Variants in TRRAP observed in about 807,000 individuals in gnomAD.
The protein encoded by TRRAP is transformation/transcription domain-associated protein.
TRRAP carries 41 observed loss-of-function variants against 438.8 expected under a neutral mutation model. The observed-to-expected ratio is 0.09, with a 90% confidence interval of 0.07 to 0.12. The LOEUF (loss-of-function observed/expected upper bound fraction) is 0.12. TRRAP is among the 10% of genes least tolerant of loss of function. The pLI, the probability that TRRAP is intolerant of heterozygous loss-of-function variation, is 1.00. For missense variants in TRRAP, 3,122 were observed against 5,055.1 expected (o/e 0.62, Z 11.60); for synonymous variants, 1,994 against 1,962.9 (o/e 1.02, Z -0.42).
chr7:98,998,721 TC>T, intron 67 of TRRAP: 1 of 179,560 alleles, frequency 5.6e-6, no homozygotes. Context: ...CTATGTGAAT[TC>T]CACAGCATGG....
At chr7:98,961,661 T>C (rs974539290) in intron 46 of TRRAP, among the ~76,000 whole-genome samples, 187 bp downstream of exon 46, 7 of 152,264 alleles carry the variant, frequency 4.6e-5, no homozygotes, top group African/African-American at 1.4e-4. Context: ...GGCTCACGCC[T>C]GTAATCCCAG....
Position 98,964,792 on chromosome 7 carries a change from C to G in TRRAP, c.6976+17C>G. On this transcript the variant is annotated intron_variant, in intron 48 of 72. Transcript: ENST00000456197. ...CCACCTCAGGTGATGTGCTGGCCAC[C>G]GGGGGCCTTTCCTCAGACTCTGTTG... The G allele has an allele frequency of 6.2e-7, 1 of 1,606,128 alleles. No individual in the cohort carries two copies. Among genetic ancestry groups the G allele is most frequent in the Non-Finnish European group, 8.5e-7 (1 of 1,175,914 alleles).
In TRRAP at chr7:98,955,251, C is replaced by T. The variant is rs782694991; in HGVS notation, c.5884C>T (p.His1962Tyr). The T allele has an allele frequency of 6.2e-7, 1 of 1,614,146 alleles. No homozygotes were observed. Among genetic ancestry groups the T allele is most frequent in the Middle Eastern group, 1.7e-4 (1 of 6,060 alleles). Reference sequence around the variant, plus strand: ...CCGGAAGATCATTGTGGAGGAGGGGCACACCGTCCCGCAGCTGGTCCACAT... The same window carrying T: ...CCGGAAGATCATTGTGGAGGAGGGGTACACCGTCCCGCAGCTGGTCCACAT... ...WTRKIIVEEG[H>Y]TVPQLVHILH... Residue 1962 changes from histidine (H) to tyrosine (Y), a missense_variant, in exon 41 of 73, where the codon CAC becomes TAC. Physicochemically the swap from His to Tyr is moderately conservative, Grantham distance 83 (BLOSUM62 2). This residue lies in a region of TRRAP where 35 missense variants were observed against 104.9 expected (regional missense o/e 0.33). Transcript: ENST00000456197.
At chr7:98,945,631 A>T (rs1791017774) in intron 31 of TRRAP, 116 bp from the exon 32 acceptor site, 3 of 1,197,308 alleles carry the variant, frequency 2.5e-6, no homozygotes, top group African/African-American at 3.1e-5. Context: ...CTTTCTGATA[A>T]TTTGTGTCTT....
chr7:98,915,494 T>C (rs1789480898), intron 18 of TRRAP, among the ~76,000 whole-genome samples: 1 of 152,200 alleles, frequency 6.6e-6, no homozygotes. Flanking sequence ...GCCTGGCCCC[T>C]GTAGGTTATT....
chr7:99,009,951 G>T (rs1251839690), intron 70 of TRRAP, among the ~76,000 whole-genome samples: 1 of 141,908 alleles, frequency 7.0e-6, no homozygotes, highest in Admixed American at 7.3e-5. Flanking sequence ...GCAATGGCGC[G>T]ATCTCGGCTC....
chr7:98,945,856 C>T, intron 32 of TRRAP, 56 bp downstream of exon 32: 1 of 1,571,460 alleles, frequency 6.4e-7, no homozygotes, highest in Non-Finnish European at 8.5e-7. Flanking sequence ...GAAAAGTTTA[C>T]CTTTTCTTTT....
At chr7:98,895,977 G>T (rs1562929748) in intron 7 of TRRAP, among the ~76,000 whole-genome samples, 157 bp downstream of exon 7, 1 of 152,202 alleles carries the variant, frequency 6.6e-6, no homozygotes, top group Admixed American at 6.5e-5. Context: ...GGGTTGATAA[G>T]TCAGCCATTC....
chr7:98,881,343 C>G, intron 2 of TRRAP, 93 bp downstream of exon 2: 2 of 1,158,088 alleles, frequency 1.7e-6, no homozygotes, highest in Non-Finnish European at 2.4e-6. Context: ...GAGGCCGAGG[C>G]GGGTGGATCA....
At chr7:98,950,607 G>T (rs530827801) in intron 38 of TRRAP, among the ~76,000 whole-genome samples, 1 of 152,358 alleles carries the variant, frequency 6.6e-6, no homozygotes, top group East Asian at 1.9e-4. Flanking sequence ...GAGTGACCCA[G>T]TGTTGAAGGG....
Position 98,983,398 on chromosome 7 carries a change from C to T in TRRAP, c.8961C>T (p.Ile2987=), listed in dbSNP as rs144881292. 1,100 of 1,614,228 alleles carry T rather than the reference C, an allele frequency of 6.8e-4. No homozygotes were observed. The highest frequency in any genetic ancestry group is 8.5e-4 in the Non-Finnish European group (1,005 of 1,180,038). Residue 2987 remains isoleucine (I), a synonymous_variant, in exon 60 of 73, where the codon ATC becomes ATT. Transcript: ENST00000456197. ...VVKTWRNRLP[I]VSDDLSHWSS... is the part of the protein sequence containing the mutation. ...AGACCTGGAGGAACCGACTGCCCAT[C>T]GTGTCTGACGACTTGTCCCACTGGA...
rs753705264 is a variant in TRRAP at position 99,012,363 on chromosome 7, C to T, written c.*8C>T. The T allele has an allele frequency of 8.2e-6, 13 of 1,584,930 alleles. No homozygotes were observed. Among genetic ancestry groups the T allele is most frequent in the African/African-American group, 6.7e-5 (5 of 74,114 alleles). On this transcript the variant is annotated 3_prime_UTR_variant, in exon 73 of 73. Coordinates refer to ENST00000456197, the MANE Select transcript of TRRAP (RefSeq NM_001375524.1). This position sits in a 1 kb window ranked among gnomAD's most constrained non-coding sequence, Gnocchi z 5.9. ...TGGCACCCCTGGCTGTGACTGTGGC[C>T]GCCACGGCCACCCGGAATGTGAAGG...
In TRRAP at chr7:98,911,214, C is replaced by G. The variant is rs781963652; in HGVS notation, c.1950C>G (p.Ile650Met). The change falls in exon 17 of 73, where the codon ATC becomes ATG. Residue 650 changes from isoleucine (I) to methionine (M), a missense_variant. Physicochemically the swap from Ile to Met is conservative, Grantham distance 10. Around this residue, in one of 24 missense-constraint regions of TRRAP, gnomAD observed 149 missense variants for 302.8 expected, o/e 0.49. Transcript: ENST00000456197. The stretch of plus-strand genomic sequence containing the variant: ...TGAACCCCTTAACGTTCAAAGAAAT[C>G]TTCCAAACTACGGTCCCTTATATGG... ...TMMNPLTFKE[I>M]FQTTVPYMVE... 1 of 1,614,182 alleles carries G rather than the reference C, an allele frequency of 6.2e-7. No individual in the cohort carries two copies. The highest frequency in any genetic ancestry group is 1.1e-5 in the South Asian group (1 of 91,080).
Position 98,968,144 on chromosome 7 carries a change from C to T in TRRAP, c.7512+446C>T, listed in dbSNP as rs184305737. 9.1e-4 allele frequency among the ~76,000 whole-genome samples: 139 copies of T among 152,106 alleles called. 1 individual carries two copies. The Middle Eastern group carries it at 0.014, about 15-fold the overall frequency. On this transcript the variant is annotated intron_variant, in intron 51 of 72. Transcript: ENST00000456197. ...AGCAATTGTTGTGCCCCAGCCTCCC[C>T]GGTAGCTGGGATTATAGGCCCATGT...
chr7:98,899,850 A>G (rs1411196878), intron 10 of TRRAP, 83 bp downstream of exon 10: 12 of 1,466,816 alleles, frequency 8.2e-6, no homozygotes, highest in African/African-American at 1.4e-5. Flanking sequence ...TAAGACATGA[A>G]AATTATGAGT....
chr7:98,891,629 G>C (rs1252133956), intron 4 of TRRAP, among the ~76,000 whole-genome samples: 1 of 146,410 alleles, frequency 6.8e-6, no homozygotes, highest in Non-Finnish European at 1.5e-5. Flanking sequence ...TCCGCCTCCC[G>C]GGTTCACACC....
At chr7:98,896,213 A>G (rs1402442482) in intron 7 of TRRAP, among the ~76,000 whole-genome samples, 2 of 151,684 alleles carry the variant, frequency 1.3e-5, no homozygotes, top group Admixed American at 1.3e-4. Flanking sequence ...GTATATTTTC[A>G]GTTTTTTTTT....
At chr7:98,965,674 T>G in intron 48 of TRRAP, 22 bp from the exon 49 acceptor site, 1 of 1,613,558 alleles carries the variant, frequency 6.2e-7, no homozygotes, top group Non-Finnish European at 8.5e-7. Context: ...CCCGTGGGTT[T>G]GTTCTTAATT....
Position 98,948,927 on chromosome 7 carries a change from CAT to C in TRRAP, c.4788+244_4788+245del, listed in dbSNP as rs1442859855. Among the ~76,000 whole-genome samples the C allele has an allele frequency of 3.9e-5, 6 of 152,230 alleles. No homozygotes were observed. Among genetic ancestry groups the C allele is most frequent in the Admixed American group, 3.9e-4 (6 of 15,288 alleles). On this transcript the variant is annotated intron_variant, in intron 35 of 72. Transcript: ENST00000456197. This position sits in a 1 kb window ranked among gnomAD's most constrained non-coding sequence, Gnocchi z 4.9. ...AAATGTTCTGCCAGGATTATAAAAT[CAT>C]AAAGTATGATTATTATTTAAAAGTA... is the stretch of plus-strand genomic sequence containing the variant.
Sources: allele counts gnomAD v4.1 joint callset (sites outside exome capture counted in the v4.1 genomes callset), GRCh38; gene constraint gnomAD v4.1.1; regional missense constraint gnomAD v4.1.1; non-coding constraint Gnocchi (gnomAD v3.1); transcripts MANE v1.5; gene names NCBI Gene and HGNC (gene_info 2026-07-23, HGNC 2026-07-21).